The following AGO3 variants were observed in gnomAD, a reference collection of about 807,000 sequenced individuals.
AGO3 encodes the protein protein argonaute-3.
A neutral mutation model predicts 105.5 loss-of-function variants in AGO3; 16 were observed. The observed-to-expected ratio is 0.15, with a 90% CI of 0.10 to 0.23. AGO3 has a LOEUF of 0.23. AGO3 is among the 10% of genes least tolerant of loss of function. AGO3 has a pLI of 1.00. For missense variants in AGO3, 534 were observed against 1,088.0 expected (o/e 0.49, Z 7.16); for synonymous variants, 340 against 367.3 (o/e 0.93, Z 0.85).
intron 5 of AGO3, among the ~76,000 whole-genome samples, chr1:35,979,415 T>C (rs1254128800): frequency 6.6e-6 from 1 of 152,112 alleles, no homozygotes; most frequent in African/African-American, 2.4e-5. Flanking sequence ...CTAGAGGTAT[T>C]TTTTGTAGCC....
intron 11 of AGO3, among the ~76,000 whole-genome samples, chr1:36,025,049 C>T (rs1243366636): frequency 1.3e-5 from 2 of 151,888 alleles, no homozygotes; most frequent in African/African-American, 4.8e-5. Flanking sequence ...ATGTATCATC[C>T]CTCTGGAATC....
At position 36,070,698 on chromosome 1, in the gene AGO3, T is replaced by A. The variant is rs1402330236; in HGVS notation, c.*14953T>A. On this transcript the variant is annotated 3_prime_UTR_variant, in exon 19 of 19. Transcript: ENST00000373191. ...AACAAAGCTGGCATCTGCATTAATT[T>A]CAATGAGAATTTCAAGTACTGAAGA... The A allele has an allele frequency of 1.3e-5, 2 of 152,198 alleles. No homozygotes were observed. The highest frequency in any genetic ancestry group is 2.9e-5 in the Non-Finnish European group (2 of 68,048). 9.4% of individuals were successfully genotyped at this position (152,198 alleles called of 1,614,324 possible). A position where few individuals can be genotyped will look rare whatever the true frequency, so the allele number is the denominator to read the frequency against.
chr1:35,933,534 T>TG (rs919693987), intron 1 of AGO3, among the ~76,000 whole-genome samples: 14 of 147,946 alleles, frequency 9.5e-5, no homozygotes, highest in African/African-American at 3.5e-4. Flanking sequence ...CCTAGCTACT[T>TG]GGGAGGCTGA....
In AGO3 at chr1:36,039,409, G is replaced by A. The variant is rs554643381; in HGVS notation, c.1843-381G>A. On this transcript the variant is annotated intron_variant, in intron 14 of 18. Coordinates refer to ENST00000373191, the MANE Select transcript of AGO3 (RefSeq NM_024852.4). ...CTCTGGAGGCTGAGGCAGGAGAATCGCTTGAACCCAGGAGGTGCAGGTTGC... is the reference window on the plus strand; with the variant it reads ...CTCTGGAGGCTGAGGCAGGAGAATCACTTGAACCCAGGAGGTGCAGGTTGC... Among the ~76,000 whole-genome samples, 94 of 148,740 alleles carry A rather than the reference G, an allele frequency of 6.3e-4. 2 individuals carry two copies. The South Asian group carries it at 0.019, about 30-fold the overall frequency.
At chr1:35,937,644 C>G (rs913338617) in intron 1 of AGO3, among the ~76,000 whole-genome samples, 1 of 152,092 alleles carries the variant, frequency 6.6e-6, no homozygotes, top group Admixed American at 6.5e-5. Flanking sequence ...GAGCCAAGAT[C>G]GTGCCACTGC....
At chr1:35,956,446 C>T (rs1013041398) in intron 2 of AGO3, among the ~76,000 whole-genome samples, 3 of 151,964 alleles carry the variant, frequency 2.0e-5, no homozygotes, top group African/African-American at 7.3e-5. Context: ...GATTGTGATT[C>T]GTCAGCATGT....
intron 2 of AGO3, among the ~76,000 whole-genome samples, chr1:35,947,605 G>GAGT (rs1393087134): frequency 6.6e-6 from 1 of 152,180 alleles, no homozygotes; most frequent in African/African-American, 2.4e-5. Flanking sequence ...AAAATGGCAT[G>GAGT]AGTGTGATGG....
At chr1:35,982,563 T>G in intron 5 of AGO3, 1 of 699,100 alleles carries the variant, frequency 1.4e-6, no homozygotes, top group Non-Finnish European at 2.6e-6. Context: ...ATCCTTTAGA[T>G]AGGGATACTT....
chr1:36,014,019 A>G lies in AGO3; in HGVS notation c.1377A>G (p.Thr459=). The change falls in exon 11 of 19, where the codon ACA becomes ACG. Residue 459 remains threonine (T), a synonymous_variant. Coordinates refer to ENST00000373191, the MANE Select transcript of AGO3 (RefSeq NM_024852.4). ...TGTGGGCTATCGCTTGTTTTGCCAC[A>G]CAGAGGCAGTGCAGAGAAGAAATAT... ...IKMWAIACFA[T]QRQCREEILK... is the part of the protein sequence containing the mutation. 1 of 1,614,210 alleles carries G rather than the reference A, an allele frequency of 6.2e-7. No individual in the cohort carries two copies. The highest frequency in any genetic ancestry group is 2.2e-5 in the East Asian group (1 of 44,886).
intron 5 of AGO3, among the ~76,000 whole-genome samples, chr1:35,995,212 AT>A (rs377158089): frequency 0.11 from 11,267 of 106,474 alleles, 1,555 homozygotes; most frequent in East Asian, 0.61. Flanking sequence ...AAAAAAAAAT[AT>A]ATATATATAT....
chr1:35,989,984 TATTA>T (rs1171168613), intron 5 of AGO3, among the ~76,000 whole-genome samples: 1 of 152,246 alleles, frequency 6.6e-6, no homozygotes, highest in Non-Finnish European at 1.5e-5. Flanking sequence ...AAGCATTTTA[TATTA>T]ATTATTAATA....
intron 3 of AGO3, among the ~76,000 whole-genome samples, chr1:35,970,359 T>G (rs1271074457): frequency 6.6e-6 from 1 of 152,218 alleles, no homozygotes; most frequent in African/African-American, 2.4e-5. Context: ...CCGTGCCTCA[T>G]GGGATTCTTC....
At chr1:35,996,031 G>T (rs923087382) in intron 5 of AGO3, among the ~76,000 whole-genome samples, 1 of 152,002 alleles carries the variant, frequency 6.6e-6, no homozygotes, top group Non-Finnish European at 1.5e-5. Context: ...CTCCTTTTGA[G>T]AACACCATTA....
intron 16 of AGO3, 27 bp from the exon 17 acceptor site, chr1:36,043,420 G>T: frequency 6.3e-7 from 1 of 1,580,140 alleles, no homozygotes; most frequent in Non-Finnish European, 8.7e-7. Context: ...TTTCTTGTTT[G>T]TTTAAACTTT....
chr1:35,980,653 G>T (rs1333692573), intron 5 of AGO3, among the ~76,000 whole-genome samples: 1 of 152,172 alleles, frequency 6.6e-6, no homozygotes, highest in Non-Finnish European at 1.5e-5. Context: ...GTACCTTGTA[G>T]GTATTTTTCC....
intron 6 of AGO3, among the ~76,000 whole-genome samples, chr1:36,005,516 A>G (rs1640298786): frequency 6.6e-6 from 1 of 152,212 alleles, no homozygotes; most frequent in Admixed American, 6.6e-5. Flanking sequence ...TTGCAACCAT[A>G]CCATTGTCCT....
rs1643026690 is a variant in AGO3 at position 36,061,471 on chromosome 1, A to G, written c.*5726A>G. 6.6e-6 allele frequency: 1 copy of G among 152,196 alleles called. No homozygotes were observed. Among genetic ancestry groups the G allele is most frequent in the Non-Finnish European group, 1.5e-5 (1 of 68,038 alleles). 9.4% of individuals were successfully genotyped at this position (152,196 alleles called of 1,614,324 possible). A position where few individuals can be genotyped will look rare whatever the true frequency, so the allele number is the denominator to read the frequency against. ...GAATCTTTTGTTCTTAAAATATGGA[A>G]GTTAAAGATTTTAATTTGAATTAAA... On this transcript the variant is annotated 3_prime_UTR_variant, in exon 19 of 19. Coordinates refer to ENST00000373191, the MANE Select transcript of AGO3 (RefSeq NM_024852.4).
chr1:36,040,192 A>G (rs1407888022), intron 15 of AGO3, 115 bp from the exon 16 acceptor site: 15 of 1,242,174 alleles, frequency 1.2e-5, no homozygotes, highest in East Asian at 2.5e-5. Context: ...AATGGAATCT[A>G]TTAGCTATAG....
At chr1:35,956,899 C>T (rs1048250420) in intron 2 of AGO3, among the ~76,000 whole-genome samples, 3 of 151,734 alleles carry the variant, frequency 2.0e-5, no homozygotes, top group South Asian at 2.1e-4. Context: ...CCGCCCACCT[C>T]GGCCTCCCAA....
Sources: gnomAD v4.1 joint callset for allele counts (sites outside exome capture counted in the v4.1 genomes callset) on GRCh38, gnomAD v4.1.1 for gene constraint, MANE v1.5 for transcripts, NCBI Gene and HGNC (gene_info 2026-07-23, HGNC 2026-07-21) for gene names.